The following ULK4 variants were observed in gnomAD, a reference collection of about 807,000 sequenced individuals.
ULK4 encodes the protein inactive serine/threonine-protein kinase ULK4.
In ULK4, 133 loss-of-function variants were observed where a neutral mutation model predicts 160.6. The ratio of observed to expected loss-of-function variants is 0.83; its 90% CI spans 0.72 to 0.96. The LOEUF (loss-of-function observed/expected upper bound fraction) is 0.96. ULK4 is among the 40% of genes least tolerant of loss of function. The probability of loss-of-function intolerance (pLI) is 0.00; values close to 1 mark genes in which losing one functional copy is unlikely to be tolerated. For synonymous variants in ULK4, 534 were observed against 539.8 expected, an observed-to-expected ratio of 0.99 and a Z score of 0.15; for missense variants, 1,580 against 1,499.5, an observed-to-expected ratio of 1.05 and a Z score of -0.89.
At chr3:41,529,674 G>A (rs1170036596) in intron 32 of ULK4, among the ~76,000 whole-genome samples, 1 of 152,060 alleles carries the variant, frequency 6.6e-6, no homozygotes, top group Non-Finnish European at 1.5e-5. Flanking sequence ...CATATTTTTA[G>A]TAGAGGCAGG....
intron 18 of ULK4, among the ~76,000 whole-genome samples, chr3:41,826,412 C>G (rs2041354457): frequency 6.6e-6 from 1 of 151,570 alleles, no homozygotes; most frequent in Non-Finnish European, 1.5e-5. Flanking sequence ...TTCAGGAAAC[C>G]CATCTCATGT....
At chr3:41,864,418 T>A (rs2042572282) in intron 17 of ULK4, among the ~76,000 whole-genome samples, 1 of 152,070 alleles carries the variant, frequency 6.6e-6, no homozygotes, top group Non-Finnish European at 1.5e-5. Context: ...CGATATGAGA[T>A]TAAAACCCGG....
At chr3:41,416,951 A>G (rs79774051) in intron 34 of ULK4, among the ~76,000 whole-genome samples, 1,589 of 152,230 alleles carry the variant, frequency 0.01, 29 homozygotes, top group African/African-American at 0.037. Flanking sequence ...TGCTCAGCTG[A>G]AAGTGCACTG....
At chr3:41,765,015 T>G (rs1200624041) in intron 21 of ULK4, among the ~76,000 whole-genome samples, 2 of 152,180 alleles carry the variant, frequency 1.3e-5, no homozygotes, top group Non-Finnish European at 2.9e-5. Flanking sequence ...CTCAGGGATC[T>G]AGAACTAGAA....
chr3:41,942,543 C>A (rs529108960), intron 2 of ULK4, among the ~76,000 whole-genome samples: 1 of 149,924 alleles, frequency 6.7e-6, no homozygotes, highest in Non-Finnish European at 1.5e-5. Flanking sequence ...ATAGGCCGGG[C>A]GCGGTGGCTC....
intron 33 of ULK4, among the ~76,000 whole-genome samples, chr3:41,459,599 T>TGCA (rs1338000611): frequency 6.6e-6 from 1 of 152,172 alleles, no homozygotes; most frequent in Admixed American, 6.5e-5. Context: ...ATATGAAAAC[T>TGCA]GCTATAATAG....
intron 30 of ULK4, among the ~76,000 whole-genome samples, chr3:41,647,424 A>C (rs920015620): frequency 3.9e-5 from 6 of 152,198 alleles, no homozygotes; most frequent in Non-Finnish European, 4.4e-5. Context: ...CAGGACCCTC[A>C]GCTGCAGGTC....
chr3:41,630,290 A>T (rs6762412), intron 30 of ULK4, among the ~76,000 whole-genome samples: 9,354 of 152,266 alleles, frequency 0.061, 975 homozygotes, highest in African/African-American at 0.21. Flanking sequence ...TGGAGGGGAT[A>T]CATTTTCAAA....
chr3:41,579,264 G>C (rs1322069956), intron 31 of ULK4, among the ~76,000 whole-genome samples: 1 of 152,120 alleles, frequency 6.6e-6, no homozygotes, highest in African/African-American at 2.4e-5. Context: ...AAATGAAAGA[G>C]AAAACCAGAA....
intron 31 of ULK4, among the ~76,000 whole-genome samples, chr3:41,615,103 C>T (rs993118130): frequency 1.3e-5 from 2 of 152,138 alleles, no homozygotes; most frequent in Non-Finnish European, 2.9e-5. Flanking sequence ...AAGTTGACCC[C>T]GCATCCCATT....
chr3:41,526,450 C>T (rs2086119877), intron 32 of ULK4, among the ~76,000 whole-genome samples: 1 of 152,170 alleles, frequency 6.6e-6, no homozygotes. Context: ...TCTAGTTCTG[C>T]CTAATGTGCT....
intron 11 of ULK4, among the ~76,000 whole-genome samples, chr3:41,910,535 G>T (rs1334846725): frequency 6.6e-6 from 1 of 151,982 alleles, no homozygotes; most frequent in Non-Finnish European, 1.5e-5. Context: ...GGTGGAGGCT[G>T]CAGTGAGCCA....
Position 41,615,721 on chromosome 3 carries a change from T to C in ULK4, c.3072-4A>G, listed in dbSNP as rs1434405099. ...CAGTTTGCTTTCTTCCACAAGTCTGTTAAAAACAAGAAAAAAAGATAAGTG... is the reference window on the plus strand; with the variant it reads ...CAGTTTGCTTTCTTCCACAAGTCTGCTAAAAACAAGAAAAAAAGATAAGTG... On this transcript the variant is annotated splice_region_variant and splice_polypyrimidine_tract_variant and intron_variant, in intron 30 of 36. Transcript: ENST00000301831. 1.2e-6 allele frequency: 2 copies of C among 1,612,108 alleles called. No homozygotes were observed. Among genetic ancestry groups the C allele is most frequent in the Non-Finnish European group, 8.5e-7 (1 of 1,178,940 alleles).
chr3:41,553,943 T>C (rs570860640), intron 32 of ULK4, among the ~76,000 whole-genome samples: 2 of 152,252 alleles, frequency 1.3e-5, no homozygotes, highest in South Asian at 2.1e-4. Context: ...AACTATTTTA[T>C]TGGTAACCGT....
At chr3:41,593,243 G>A (rs1017842795) in intron 31 of ULK4, among the ~76,000 whole-genome samples, 1 of 152,188 alleles carries the variant, frequency 6.6e-6, no homozygotes, top group African/African-American at 2.4e-5. Context: ...GTCTAAACAA[G>A]AGCTGATGCA....
intron 35 of ULK4, among the ~76,000 whole-genome samples, chr3:41,368,512 C>A (rs1321139575): frequency 2.6e-5 from 4 of 152,204 alleles, no homozygotes; most frequent in Non-Finnish European, 5.9e-5. Context: ...TACTCATTAG[C>A]AGTCACACCC....
At chr3:41,721,362 A>ATATATTT (rs1553639902) in intron 22 of ULK4, among the ~76,000 whole-genome samples, 2 of 27,956 alleles carry the variant, frequency 7.2e-5, no homozygotes, top group African/African-American at 1.9e-4. Context: ...ATATATATAT[A>ATATATTT]TTTTTTTTTT....
intron 35 of ULK4, among the ~76,000 whole-genome samples, chr3:41,309,866 T>A (rs2080016417): frequency 6.7e-6 from 1 of 150,250 alleles, no homozygotes; most frequent in African/African-American, 2.5e-5. Flanking sequence ...TTTTGGTAAA[T>A]ATATGGGTAA....
Position 41,398,237 on chromosome 3 carries a change from C to T in ULK4, c.3520G>A (p.Asp1174Asn). The change falls in exon 35 of 37, where the codon GAT becomes AAT. Residue 1174 changes from aspartate (D) to asparagine (N), a missense_variant. Transcript: ENST00000301831. The part of the protein sequence containing the change: ...LLPNEDPEIF[D>N]VSSKCLSILV... ...ATAGACAGGCACTTGGATGAAACAT[C>T]AAAAATCTCAGGATCTTCATTAGGA... 6.2e-7 allele frequency: 1 copy of T among 1,610,768 alleles called. No homozygotes were observed. The highest frequency in any genetic ancestry group is 8.5e-7 in the Non-Finnish European group (1 of 1,179,062).
Sources: gnomAD v4.1 joint callset for allele counts (sites outside exome capture counted in the v4.1 genomes callset) on GRCh38, gnomAD v4.1.1 for gene constraint, MANE v1.5 for transcripts, NCBI Gene and HGNC (gene_info 2026-07-23, HGNC 2026-07-21) for gene names.